Variants in ABL2 observed in about 807,000 individuals in gnomAD.
ABL2 encodes ABL proto-oncogene 2, non-receptor tyrosine kinase, also known as tyrosine-protein kinase ABL2.
In ABL2, 49 loss-of-function variants were observed where a neutral mutation model predicts 107.7. The observed-to-expected ratio is 0.45, with a 90% CI of 0.36 to 0.58. The LOEUF is 0.58. Among genes scored for constraint, ABL2 ranks in the 20% least tolerant of loss-of-function variants. ABL2 has a pLI of 0.00. For missense variants in ABL2, 1,245 were observed against 1,457.0 expected, an observed-to-expected ratio of 0.85 and a Z score of 2.37; for synonymous variants, 549 against 548.6, an observed-to-expected ratio of 1.00 and a Z score of -0.01.
At chr1:179,152,106 A>G (rs918130999) in intron 1 of ABL2, among the ~76,000 whole-genome samples, 1 of 152,226 alleles carries the variant, frequency 6.6e-6, no homozygotes, top group Non-Finnish European at 1.5e-5. Flanking sequence ...CAAGATGTGG[A>G]AACCTGGGTA....
chr1:179,155,471 T>C (rs1658627298), intron 1 of ABL2, among the ~76,000 whole-genome samples: 1 of 152,174 alleles, frequency 6.6e-6, no homozygotes, highest in African/African-American at 2.4e-5. Flanking sequence ...GGCTCACACC[T>C]GTAATCCCAG....
At chr1:179,206,326 C>A (rs1661966383) in intron 1 of ABL2, among the ~76,000 whole-genome samples, 1 of 152,020 alleles carries the variant, frequency 6.6e-6, no homozygotes, top group Non-Finnish European at 1.5e-5. Flanking sequence ...CTGAAATCCC[C>A]ACCCCCTTTC....
At position 179,109,039 on chromosome 1, in the gene ABL2, C is replaced by G. The variant is rs1336932476; in HGVS notation, c.2228G>C (p.Gly743Ala). The G allele has an allele frequency of 3.1e-6, 5 of 1,603,924 alleles. No individual in the cohort carries two copies. The East Asian group carries it at 1.1e-4, about 36-fold the overall frequency. ...GGGGGSGTAG[G>A]GWSGITGFFT... ...GAAGCCTGTGATGCCAGACCACCCA[C>G]CCCCAGCAGTGCCACTGCCCCCACC... Residue 743 changes from glycine to alanine, a missense_variant, in exon 12 of 12, where the codon GGT becomes GCT. By Grantham distance (60) the Gly-to-Ala change is moderately conservative (BLOSUM62 0). Coordinates refer to ENST00000502732, the MANE Select transcript of ABL2 (RefSeq NM_007314.4).
At chr1:179,217,037 T>A (rs1662601222) in intron 1 of ABL2, among the ~76,000 whole-genome samples, 1 of 151,792 alleles carries the variant, frequency 6.6e-6, no homozygotes, top group South Asian at 2.1e-4. Context: ...AGCTCACGCC[T>A]GTAATACCAA....
At position 179,113,371 on chromosome 1, in the gene ABL2, C is replaced by A. The variant is rs548222902; in HGVS notation, c.1562-973G>T. On this transcript the variant is annotated intron_variant, in intron 9 of 11. Transcript: ENST00000502732. ...AAACCTGTCTTCAAACTCAGCCTAA[C>A]CATATAATCAACTGTATACATTCAG... is the stretch of plus-strand genomic sequence containing the variant. Among the ~76,000 whole-genome samples the A allele has an allele frequency of 9.2e-5, 14 of 152,330 alleles. 1 individual carries two copies. In the South Asian group the frequency reaches 2.9e-3, roughly 32 times the overall value.
At chr1:179,119,082 T>A (rs1427849458) in intron 6 of ABL2, among the ~76,000 whole-genome samples, 1 of 111,250 alleles carries the variant, frequency 9.0e-6, no homozygotes, top group Non-Finnish European at 2.0e-5. Context: ...ACATGGCCCA[T>A]GATTCTCCTC....
chr1:179,145,457 A>G (rs1337486678), intron 1 of ABL2, among the ~76,000 whole-genome samples: 7 of 152,154 alleles, frequency 4.6e-5, no homozygotes, highest in Non-Finnish European at 8.8e-5. Flanking sequence ...ATAACAATAA[A>G]CCCATTATGT....
At position 179,106,917 on chromosome 1, in the gene ABL2, A is replaced by C. The variant is rs1653502701; in HGVS notation, c.*801T>G. ...GCCTGCCCAGCAAAAGACAGAGAAG[A>C]ACCACTAGGGAGACCCCTGTACTTA... On this transcript the variant is annotated 3_prime_UTR_variant, in exon 12 of 12. Coordinates refer to ENST00000502732, the MANE Select transcript of ABL2 (RefSeq NM_007314.4). The C allele has an allele frequency of 4.3e-6, 1 of 230,642 alleles. No individual in the cohort carries two copies. The highest frequency in any genetic ancestry group is 5.6e-5 in the Admixed American group (1 of 17,704). 14.3% of individuals were successfully genotyped at this position (230,642 alleles called of 1,614,324 possible). A position where few individuals can be genotyped will look rare whatever the true frequency, so the allele number is the denominator to read the frequency against.
chr1:179,140,815 C>G (rs971802566), intron 1 of ABL2, among the ~76,000 whole-genome samples: 31 of 152,160 alleles, frequency 2.0e-4, no homozygotes, highest in African/African-American at 7.2e-4. Context: ...GGGAGGATCA[C>G]TTGAGGCCAG....
intron 6 of ABL2, 97 bp downstream of exon 6, chr1:179,120,093 A>G (rs1655040993): frequency 5.6e-6 from 4 of 719,674 alleles, no homozygotes; most frequent in Non-Finnish European, 9.1e-6. Flanking sequence ...CCCTGTCTCT[A>G]TATTTAAAAA....
At position 179,107,524 on chromosome 1, in the gene ABL2, C is replaced by A; in HGVS notation, c.*194G>T. On this transcript the variant is annotated 3_prime_UTR_variant, in exon 12 of 12. Transcript: ENST00000502732. ...TGCCTTGCCCCCACTTAATTTACCT[C>A]TCCTATACTTATGTGGTTTGCTTCT... 8.7e-7 allele frequency: 1 copy of A among 1,155,258 alleles called. No homozygotes were observed. The highest frequency in any genetic ancestry group is 1.7e-5 in the South Asian group (1 of 59,660). The allele number at this position is 1,155,258 out of a possible 1,614,324, so 71.6% of individuals were successfully genotyped here.
At chr1:179,117,030 A>G (rs560551416) in intron 8 of ABL2, 7 of 371,836 alleles carry the variant, frequency 1.9e-5, no homozygotes, top group African/African-American at 1.5e-4. Context: ...TAGAGATGGG[A>G]GTTCACCATG....
At chr1:179,132,230 C>A (rs746948271) in intron 2 of ABL2, among the ~76,000 whole-genome samples, 1 of 152,170 alleles carries the variant, frequency 6.6e-6, no homozygotes, top group Non-Finnish European at 1.5e-5. Context: ...TTACTATCAT[C>A]GGGCATTTAT....
intron 1 of ABL2, among the ~76,000 whole-genome samples, chr1:179,180,627 C>T (rs998585542): frequency 1.3e-5 from 2 of 152,092 alleles, no homozygotes; most frequent in African/African-American, 4.8e-5. Flanking sequence ...ATAAGGGTCA[C>T]CTCCAGGGAA....
rs2102555732 is a variant in ABL2 at position 179,100,898 on chromosome 1, G to A, written c.*6820C>T. 1 of 232,812 alleles carries A rather than the reference G, an allele frequency of 4.3e-6. No homozygotes were observed. The highest frequency in any genetic ancestry group is 1.8e-4 in the South Asian group (1 of 5,528). The allele number at this position is 232,812 out of a possible 1,614,324, so 14.4% of individuals were successfully genotyped here. A position where few individuals can be genotyped will look rare whatever the true frequency, so the allele number is the denominator to read the frequency against. On this transcript the variant is annotated 3_prime_UTR_variant, in exon 12 of 12. Coordinates refer to ENST00000502732, the MANE Select transcript of ABL2 (RefSeq NM_007314.4). ...GCTCAGGTCAAAAGGTAAGATTTTT[G>A]TAGGAGAGGTAAACAATTTCAAAGT...
intron 1 of ABL2, among the ~76,000 whole-genome samples, chr1:179,179,222 ACT>A (rs1000658989): frequency 6.6e-6 from 1 of 152,198 alleles, no homozygotes; most frequent in East Asian, 1.9e-4. Flanking sequence ...ATGAGGATTA[ACT>A]CTGCAATTCT....
intron 1 of ABL2, 60 bp downstream of exon 1, chr1:179,229,170 GCCACCCACCCC>G: frequency 1.1e-5 from 3 of 266,246 alleles, no homozygotes; most frequent in East Asian, 9.4e-5. Context: ...CAGCCCGTCC[GCCACCCACCCC>G]GCCCCGACCC....
rs1044917141 is a variant in ABL2 at position 179,106,203 on chromosome 1, ATT to A, written c.*1513_*1514del. 4.4e-6 allele frequency: 1 copy of A among 224,866 alleles called. No individual in the cohort carries two copies. The highest frequency in any genetic ancestry group is 8.9e-6 in the Non-Finnish European group (1 of 112,846). The allele number at this position is 224,866 out of a possible 1,614,324, so 13.9% of individuals were successfully genotyped here. On this transcript the variant is annotated 3_prime_UTR_variant, in exon 12 of 12. Coordinates refer to ENST00000502732, the MANE Select transcript of ABL2 (RefSeq NM_007314.4). Reference sequence around the variant, plus strand: ...AAAAGAGAATGAAGCAGTAACTGGAATTAGACCCGATACCAAGAACATTAATA... The same window carrying A: ...AAAAGAGAATGAAGCAGTAACTGGAAAGACCCGATACCAAGAACATTAATA...
rs189976067 is a variant in ABL2, at chr1:179,119,100, G to T, written c.1046-336C>A. Among the ~76,000 whole-genome samples, 5 of 152,196 alleles carry T rather than the reference G, an allele frequency of 3.3e-5. No homozygotes were observed. The East Asian group carries it at 9.7e-4, about 29-fold the overall frequency. Reference sequence around the variant, plus strand: ...TGGCCCATGATTCTCCTCCTCAACTGCAGGCTAACAATACTTATTCAAAAG... The same window carrying T: ...TGGCCCATGATTCTCCTCCTCAACTTCAGGCTAACAATACTTATTCAAAAG... On this transcript the variant is annotated intron_variant, in intron 6 of 11. Coordinates refer to ENST00000502732, the MANE Select transcript of ABL2 (RefSeq NM_007314.4).
Sources: allele counts gnomAD v4.1 joint callset (sites outside exome capture counted in the v4.1 genomes callset), GRCh38; gene constraint gnomAD v4.1.1; transcripts MANE v1.5; gene names NCBI Gene and HGNC (gene_info 2026-07-23, HGNC 2026-07-21).